Variants in KCNH1 observed in about 807,000 individuals in gnomAD.
The protein encoded by KCNH1 is potassium voltage-gated channel subfamily H member 1.
A neutral mutation model predicts 69.2 loss-of-function variants in KCNH1; 27 were observed. That is an observed-to-expected ratio of 0.39 (90% CI 0.29 to 0.54). KCNH1 has a LOEUF of 0.54. Ranked by LOEUF, KCNH1 falls within the 20% of genes least tolerant of loss-of-function variation. The pLI is 0.68. For missense variants in KCNH1, 798 were observed against 1,261.6 expected (o/e 0.63, Z 5.57); for synonymous variants, 456 against 487.7 (o/e 0.93, Z 0.86).
chr1:210,755,868 A>G (rs1306524919), intron 10 of KCNH1, among the ~76,000 whole-genome samples: 3 of 152,196 alleles, frequency 2.0e-5, no homozygotes, highest in Admixed American at 2.0e-4. Flanking sequence ...CAAAGAGAGA[A>G]CATTATCAGA....
chr1:211,040,181 A>G (rs1689967409), intron 5 of KCNH1, among the ~76,000 whole-genome samples: 1 of 132,010 alleles, frequency 7.6e-6, no homozygotes, highest in Admixed American at 8.5e-5. Flanking sequence ...ACAGAGCAAG[A>G]CTCCGTCTCA....
chr1:210,769,804 A>C (rs1207439165), intron 10 of KCNH1, among the ~76,000 whole-genome samples: 3 of 152,210 alleles, frequency 2.0e-5, no homozygotes, highest in Non-Finnish European at 2.9e-5. Flanking sequence ...AGTAGAGCCC[A>C]AGTGAAACAT....
At chr1:210,717,460 G>A (rs74156043) in intron 10 of KCNH1, among the ~76,000 whole-genome samples, 1 of 152,114 alleles carries the variant, frequency 6.6e-6, no homozygotes, top group South Asian at 2.1e-4. Context: ...GCTGACCAGT[G>A]CTCTCCCTCC....
At chr1:210,849,307 T>C (rs1685630770) in intron 7 of KCNH1, among the ~76,000 whole-genome samples, 1 of 151,990 alleles carries the variant, frequency 6.6e-6, no homozygotes, top group Non-Finnish European at 1.5e-5. Context: ...ATAGAGTTTG[T>C]CAAACCATGG....
chr1:211,006,273 A>C (rs1311555741), intron 6 of KCNH1, among the ~76,000 whole-genome samples: 1 of 152,210 alleles, frequency 6.6e-6, no homozygotes, highest in African/African-American at 2.4e-5. Context: ...TAAGAGTATG[A>C]ATAATATTCA....
intron 5 of KCNH1, among the ~76,000 whole-genome samples, chr1:211,023,167 A>T (rs549771705): frequency 3.5e-5 from 5 of 141,198 alleles, no homozygotes; most frequent in Admixed American, 7.0e-5. Flanking sequence ...AATAAATTAA[A>T]AATGCTGGTG....
chr1:210,928,930 G>A (rs1290721157), intron 6 of KCNH1, among the ~76,000 whole-genome samples: 1 of 152,152 alleles, frequency 6.6e-6, no homozygotes, highest in East Asian at 1.9e-4. Context: ...AGAACACCTA[G>A]AGGAGATGAA....
intron 7 of KCNH1, chr1:210,860,293 C>CA: frequency 7.3e-7 from 1 of 1,374,754 alleles, no homozygotes; most frequent in Non-Finnish European, 1.0e-6. Context: ...CACTTGTTGA[C>CA]ATGTCAGGCT....
chr1:210,831,328 C>A (rs1685158229), intron 7 of KCNH1, among the ~76,000 whole-genome samples: 1 of 152,156 alleles, frequency 6.6e-6, no homozygotes. Context: ...AAAATATATT[C>A]CCATTTTTAG....
chr1:210,732,531 G>A (rs750063437), intron 10 of KCNH1, among the ~76,000 whole-genome samples: 7 of 152,172 alleles, frequency 4.6e-5, no homozygotes, highest in East Asian at 1.9e-4. Context: ...AGGCTGTGTC[G>A]TCTATCTGCC....
At chr1:210,716,410 C>T (rs545850712) in intron 10 of KCNH1, among the ~76,000 whole-genome samples, 11 of 128,504 alleles carry the variant, frequency 8.6e-5, no homozygotes, top group South Asian at 4.9e-4. Context: ...ATAGCCTGGG[C>T]GACAGAGCAA....
chr1:210,788,836 ACAGGCG>A (rs1684158967), intron 9 of KCNH1, among the ~76,000 whole-genome samples: 1 of 148,442 alleles, frequency 6.7e-6, no homozygotes, highest in African/African-American at 2.5e-5. Flanking sequence ...AGCTGGGACT[ACAGGCG>A]CCCGCCACTA....
chr1:210,733,000 C>T (rs912515331), intron 10 of KCNH1, among the ~76,000 whole-genome samples: 7 of 152,106 alleles, frequency 4.6e-5, no homozygotes, highest in East Asian at 3.9e-4. Flanking sequence ...AGCAGCTCTC[C>T]GAGGTGAGTC....
Position 211,134,028 on chromosome 1 carries a change from G to T in KCNH1, c.-83C>A. 1.6e-6 allele frequency: 2 copies of T among 1,248,808 alleles called. No individual in the cohort carries two copies. Among genetic ancestry groups the T allele is most frequent in the Non-Finnish European group, 2.3e-6 (2 of 870,260 alleles). 77.4% of individuals were successfully genotyped at this position (1,248,808 alleles called of 1,614,324 possible). The stretch of plus-strand genomic sequence containing the variant: ...AAACTGGCCTCGGGGCCCGCACGCA[G>T]TCCCGGCTCGAAGCGCCCCATGCGC... On this transcript the variant is annotated 5_prime_UTR_variant, in exon 1 of 11. The change creates a new upstream start codon in the 5' untranslated region. Coordinates refer to ENST00000271751, the MANE Select transcript of KCNH1 (RefSeq NM_172362.3). The surrounding 1 kb of genome is among the most constrained non-coding windows in gnomAD (Gnocchi z 5.7).
At position 210,749,647 on chromosome 1, in the gene KCNH1, A is replaced by G. The variant is rs147842518; in HGVS notation, c.2112+25701T>C. On this transcript the variant is annotated intron_variant, in intron 10 of 10. Coordinates refer to ENST00000271751, the MANE Select transcript of KCNH1 (RefSeq NM_172362.3). ...ATTACAGGTTAAGAGACACCAGTTT[A>G]TAGAAATAACTTGGGACATAGGCAA... Among the ~76,000 whole-genome samples, 45 of 152,196 alleles carry G rather than the reference A, an allele frequency of 3.0e-4. No individual in the cohort carries two copies. The East Asian group carries it at 5.6e-3, about 19-fold the overall frequency.
chr1:210,799,812 G>T (rs564615907), intron 8 of KCNH1, among the ~76,000 whole-genome samples: 2 of 152,232 alleles, frequency 1.3e-5, no homozygotes, highest in South Asian at 4.1e-4. Context: ...AAGACTTTCA[G>T]CCTCCTTCAA....
intron 10 of KCNH1, among the ~76,000 whole-genome samples, chr1:210,690,088 G>A (rs561944097): frequency 6.6e-6 from 1 of 152,228 alleles, no homozygotes; most frequent in African/African-American, 2.4e-5. Context: ...GCCTGGGATT[G>A]GAGTGGGGGA....
chr1:210,838,529 T>C (rs1384627335), intron 7 of KCNH1, among the ~76,000 whole-genome samples: 1 of 152,050 alleles, frequency 6.6e-6, no homozygotes, highest in Non-Finnish European at 1.5e-5. Context: ...ATGATGAAGA[T>C]ACCAAAAGCA....
chr1:210,707,547 C>T (rs1000857304), intron 10 of KCNH1, among the ~76,000 whole-genome samples: 1 of 152,194 alleles, frequency 6.6e-6, no homozygotes, highest in African/African-American at 2.4e-5. Context: ...CTGCCTGATT[C>T]GTGCTCTTGG....
Sources: gnomAD v4.1 joint callset for allele counts (sites outside exome capture counted in the v4.1 genomes callset) on GRCh38, gnomAD v4.1.1 for gene constraint, Gnocchi (gnomAD v3.1) non-coding constraint, MANE v1.5 for transcripts, NCBI Gene and HGNC (gene_info 2026-07-23, HGNC 2026-07-21) for gene names.